The following ABCB1 variants were observed in gnomAD, a reference collection of about 807,000 sequenced individuals.
The protein encoded by ABCB1 is ATP-dependent translocase ABCB1.
Under a neutral mutation model 142.0 loss-of-function variants are expected in ABCB1, and 69 were observed. The observed-to-expected ratio is 0.49, with a 90% CI of 0.40 to 0.59. The LOEUF (loss-of-function observed/expected upper bound fraction) is 0.59. ABCB1 is among the 20% of genes least tolerant of loss of function. The probability of loss-of-function intolerance (pLI) is 0.00; values close to 1 mark genes in which losing one functional copy is unlikely to be tolerated. For synonymous variants in ABCB1, 532 were observed against 539.2 expected (o/e 0.99, Z 0.18); for missense variants, 1,326 against 1,554.7 (o/e 0.85, Z 2.47).
chr7:87,569,426 G>C (rs946868988), intron 5 of ABCB1, among the ~76,000 whole-genome samples: 21 of 151,176 alleles, frequency 1.4e-4, no homozygotes, highest in Non-Finnish European at 2.8e-4. Context: ...TCACCTACAC[G>C]TACCTTTGGA....
At chr7:87,588,661 T>C (rs1221000433) in intron 3 of ABCB1, among the ~76,000 whole-genome samples, 1 of 152,262 alleles carries the variant, frequency 6.6e-6, no homozygotes, top group African/African-American at 2.4e-5. Flanking sequence ...TGTGTCTTTA[T>C]AATACAATGA....
intron 1 of ABCB1, among the ~76,000 whole-genome samples, chr7:87,660,071 G>A (rs1824532221): frequency 1.3e-5 from 2 of 152,036 alleles, no homozygotes; most frequent in South Asian, 4.1e-4. Context: ...TCTGTTTTGT[G>A]CTTTTTTGGG....
At chr7:87,686,565 G>A (rs6957599) in intron 1 of ABCB1, among the ~76,000 whole-genome samples, 7,349 of 152,166 alleles carry the variant, frequency 0.048, 265 homozygotes, top group East Asian at 0.09. Flanking sequence ...CAGAGACAAC[G>A]TTGTAAACTT....
intron 1 of ABCB1, among the ~76,000 whole-genome samples, chr7:87,711,956 A>C (rs915345343): frequency 2.6e-5 from 4 of 152,218 alleles, no homozygotes; most frequent in African/African-American, 9.6e-5. Flanking sequence ...CATATCTCTG[A>C]GATCTTAACT....
chr7:87,551,412 T>C (rs936397200), intron 9 of ABCB1, among the ~76,000 whole-genome samples: 2 of 152,246 alleles, frequency 1.3e-5, no homozygotes, highest in African/African-American at 2.4e-5. Flanking sequence ...TTTGTGTGTA[T>C]GTGTGTGTAT....
chr7:87,550,288 C>T lies in ABCB1; in HGVS notation c.1233G>A (p.Lys411=), dbSNP rs767852608. Residue 411 remains lysine, a synonymous_variant, in exon 12 of 28, where the codon AAG becomes AAA. Transcript: ENST00000622132. ...CACTCTGCACCTTCAGGTTCAGACC[C>T]TTCAAGATCTACCAGGACGAGTGAG... ...YPSRKEVKIL[K]GLNLKVQSGQ... is the part of the protein sequence containing the mutation. 5.0e-6 allele frequency: 8 copies of T among 1,614,160 alleles called. No individual in the cohort carries two copies. The Admixed American group carries it at 1.2e-4, about 24-fold the overall frequency.
intron 26 of ABCB1, among the ~76,000 whole-genome samples, chr7:87,508,981 A>C (rs1161129728): frequency 6.6e-6 from 1 of 152,198 alleles, no homozygotes; most frequent in Non-Finnish European, 1.5e-5. Flanking sequence ...CCTCAAGCCT[A>C]TAGCTTTGGA....
intron 3 of ABCB1, among the ~76,000 whole-genome samples, chr7:87,594,368 A>G (rs1219435569): frequency 6.6e-6 from 1 of 152,168 alleles, no homozygotes; most frequent in East Asian, 1.9e-4. Flanking sequence ...ACAGTGCTTT[A>G]TGTGTGCTAT....
chr7:87,686,518 T>G lies in ABCB1; in HGVS notation c.-331+26643A>C, dbSNP rs1447884740. Among the ~76,000 whole-genome samples the G allele has an allele frequency of 2.6e-5, 4 of 152,116 alleles. No individual in the cohort carries two copies. The East Asian group carries it at 7.7e-4, about 29-fold the overall frequency. On this transcript the variant is annotated intron_variant, in intron 1 of 28. Transcript: ENST00000265724. ...TTTATGGACTGACTGGTAGGCCACATAGATTAAGAAAAATAGAAATTTAGC... is the reference window on the plus strand; with the variant it reads ...TTTATGGACTGACTGGTAGGCCACAGAGATTAAGAAAAATAGAAATTTAGC...
intron 19 of ABCB1, among the ~76,000 whole-genome samples, chr7:87,537,640 T>C (rs1218021817): frequency 2.6e-5 from 4 of 152,146 alleles, no homozygotes; most frequent in African/African-American, 9.7e-5. Context: ...GAAACTCTTA[T>C]TAGACATCCA....
chr7:87,537,977 T>A (rs1816371254), intron 19 of ABCB1, among the ~76,000 whole-genome samples: 1 of 152,218 alleles, frequency 6.6e-6, no homozygotes, highest in Non-Finnish European at 1.5e-5. Context: ...ATGTATCAAC[T>A]TGCTTTTCAA....
chr7:87,692,741 A>G (rs1828130574), intron 1 of ABCB1, among the ~76,000 whole-genome samples: 1 of 152,190 alleles, frequency 6.6e-6, no homozygotes, highest in Non-Finnish European at 1.5e-5. Flanking sequence ...GTTATTTGCA[A>G]TGAAAAGCAT....
chr7:87,640,265 C>A (rs1822295093), intron 1 of ABCB1, among the ~76,000 whole-genome samples: 1 of 151,176 alleles, frequency 6.6e-6, no homozygotes, highest in Admixed American at 6.6e-5. Context: ...TTAGGAAATA[C>A]ACATTTATAT....
intron 7 of ABCB1, among the ~76,000 whole-genome samples, chr7:87,562,953 G>A (rs549697771): frequency 6.6e-6 from 1 of 152,092 alleles, no homozygotes; most frequent in Admixed American, 6.5e-5. Context: ...TTAAAAACTA[G>A]CTGGACATGG....
intron 8 of ABCB1, among the ~76,000 whole-genome samples, chr7:87,558,666 T>G (rs558060722): frequency 6.6e-6 from 1 of 152,248 alleles, no homozygotes; most frequent in South Asian, 2.1e-4. Flanking sequence ...ATAGTATGTA[T>G]TTATTTCATT....
At chr7:87,613,636 A>G (rs1393226845) in intron 1 of ABCB1, among the ~76,000 whole-genome samples, 1 of 152,176 alleles carries the variant, frequency 6.6e-6, no homozygotes, top group African/African-American at 2.4e-5. Flanking sequence ...TCATTTACAA[A>G]TGGGAGCCAA....
intron 1 of ABCB1, among the ~76,000 whole-genome samples, chr7:87,671,295 A>G (rs1825803834): frequency 6.6e-6 from 1 of 152,148 alleles, no homozygotes; most frequent in Non-Finnish European, 1.5e-5. Flanking sequence ...GCAAGGGCAG[A>G]TCCACTGCAG....
At chr7:87,675,185 C>T (rs907840731) in intron 1 of ABCB1, among the ~76,000 whole-genome samples, 11 of 152,194 alleles carry the variant, frequency 7.2e-5, no homozygotes, top group South Asian at 2.1e-4. Flanking sequence ...GCTGGGTTCC[C>T]GGCTTCCTCC....
intron 1 of ABCB1, among the ~76,000 whole-genome samples, chr7:87,655,707 C>G (rs1824030515): frequency 1.3e-5 from 2 of 152,042 alleles, no homozygotes; most frequent in Non-Finnish European, 2.9e-5. Flanking sequence ...AGTATATTTT[C>G]AGTGTTCTCA....
Sources: gnomAD v4.1 joint callset for allele counts (sites outside exome capture counted in the v4.1 genomes callset) on GRCh38, gnomAD v4.1.1 for gene constraint, MANE v1.5 for transcripts, NCBI Gene and HGNC (gene_info 2026-07-23, HGNC 2026-07-21) for gene names.